PARD3B: variants seen among roughly 807,000 people sequenced by gnomAD.
The protein encoded by PARD3B is par-3 family cell polarity regulator beta.
Under a neutral mutation model 130.2 loss-of-function variants are expected in PARD3B, and 103 were observed. The observed-to-expected ratio is 0.79, with a 90% confidence interval of 0.67 to 0.93. The LOEUF is 0.93. PARD3B is among the 40% of genes least tolerant of loss of function. PARD3B has a pLI of 0.00. For synonymous variants in PARD3B, 583 were observed against 553.2 expected, an observed-to-expected ratio of 1.05 and a Z score of -0.76; for missense variants, 1,609 against 1,499.2, an observed-to-expected ratio of 1.07 and a Z score of -1.21.
intron 11 of PARD3B, among the ~76,000 whole-genome samples, chr2:205,171,841 C>T (rs912956778): frequency 9.9e-5 from 15 of 152,202 alleles, no homozygotes; most frequent in African/African-American, 3.4e-4. Flanking sequence ...GTGACTACCT[C>T]CTTTGGTTTC....
intron 22 of PARD3B, among the ~76,000 whole-genome samples, chr2:205,570,088 T>C (rs1300547265): frequency 6.6e-6 from 1 of 152,134 alleles, no homozygotes; most frequent in Non-Finnish European, 1.5e-5. Flanking sequence ...TGTCCTGAGA[T>C]TGTGTGTCAA....
At chr2:204,983,490 A>G (rs775011268) in intron 3 of PARD3B, among the ~76,000 whole-genome samples, 1 of 152,196 alleles carries the variant, frequency 6.6e-6, no homozygotes. Context: ...AATTTAATGT[A>G]TTTAGTTGAG....
rs5837982 is a variant in PARD3B at position 205,574,855 on chromosome 2, T to TAA, written c.3260+21469_3260+21470dup. On this transcript the variant is annotated intron_variant, in intron 22 of 22. Transcript: ENST00000406610. ...CTGCAATGGGGAAGTCACTGAGGAG[T>TAA]AAAAAAAAAAAAAAAAAAGAAAGAA... 7.7e-3 allele frequency among the ~76,000 whole-genome samples: 930 copies of TAA among 121,482 alleles called. 4 individuals are homozygous for TAA. Among genetic ancestry groups the TAA allele is most frequent in the African/African-American group, 0.013 (417 of 30,898 alleles). 79.7% of individuals were successfully genotyped at this position (121,482 alleles called of 152,430 possible).
At chr2:204,804,957 G>A (rs957632109) in intron 2 of PARD3B, among the ~76,000 whole-genome samples, 1 of 151,530 alleles carries the variant, frequency 6.6e-6, no homozygotes, top group Non-Finnish European at 1.5e-5. Flanking sequence ...AAAACTTATG[G>A]GACACAGAGA....
At chr2:205,252,008 G>A (rs1362436757) in intron 16 of PARD3B, among the ~76,000 whole-genome samples, 1 of 152,038 alleles carries the variant, frequency 6.6e-6, no homozygotes, top group Non-Finnish European at 1.5e-5. Flanking sequence ...TATGTCTAGC[G>A]TTCTTCCTAT....
intron 15 of PARD3B, among the ~76,000 whole-genome samples, chr2:205,197,033 GTGT>G (rs1360800693): frequency 1.3e-4 from 4 of 30,086 alleles, no homozygotes; most frequent in Non-Finnish European, 2.7e-4. Context: ...TGGGGGGGGG[GTGT>G]GTGTGTGTGT....
chr2:205,525,155 ACTGGAAAATACTAGGGCTTTTTT>A lies in PARD3B; in HGVS notation c.3180+25126_3180+25148del, dbSNP rs1483332096. On this transcript the variant is annotated intron_variant, in intron 21 of 22. Coordinates refer to ENST00000406610, the MANE Select transcript of PARD3B (RefSeq NM_001302769.2). The surrounding 1 kb of genome is among the most constrained non-coding windows in gnomAD (Gnocchi z 4.2). The stretch of plus-strand genomic sequence containing the variant: ...AAAGCAATGCCTAGCTCATGGTATG[ACTGGAAAATACTAGGGCTTTTTT>A]CCCCTCCTACATGGTTAACTCCTAA... Among the ~76,000 whole-genome samples, 2 of 152,184 alleles carry A rather than the reference ACTGGAAAATACTAGGGCTTTTTT, an allele frequency of 1.3e-5. No homozygotes were observed. The highest frequency in any genetic ancestry group is 2.9e-5 in the Non-Finnish European group (2 of 68,030).
chr2:205,360,253 G>A (rs977854329), intron 18 of PARD3B, among the ~76,000 whole-genome samples: 1 of 112,528 alleles, frequency 8.9e-6, no homozygotes, highest in African/African-American at 2.6e-5. Context: ...TGGATTTCTT[G>A]TTTTTTCTTT....
chr2:205,225,304 C>A (rs1012289268), intron 15 of PARD3B, among the ~76,000 whole-genome samples: 30 of 152,174 alleles, frequency 2.0e-4, no homozygotes, highest in African/African-American at 7.2e-4. Context: ...GCCATTTTAA[C>A]TGGGGTGAGA....
intron 2 of PARD3B, among the ~76,000 whole-genome samples, chr2:204,750,635 C>T (rs112034595): frequency 2.8e-5 from 4 of 145,148 alleles, no homozygotes; most frequent in African/African-American, 5.2e-5. Flanking sequence ...CATACATACA[C>T]ACACACATAC....
rs774914788 is a variant in PARD3B, at chr2:205,121,641, A to G, written c.857A>G (p.His286Arg). ...ATGAAATCTCCAAGTGTGCTCCTCC[A>G]CGTGCTTCCTCCACAAAACCGTGAA... ...QAMKSPSVLL[H>R]VLPPQNREQY... is the part of the protein sequence containing the mutation. Residue 286 changes from histidine to arginine, a missense_variant, in exon 8 of 23, where the codon CAC becomes CGC. His to Arg is a conservative substitution (Grantham distance 29). Transcript: ENST00000406610. This position sits in a 1 kb window ranked among gnomAD's most constrained non-coding sequence, Gnocchi z 5.0. 6.2e-7 allele frequency: 1 copy of G among 1,614,148 alleles called. No homozygotes were observed. Among genetic ancestry groups the G allele is most frequent in the Non-Finnish European group, 8.5e-7 (1 of 1,180,014 alleles).
At chr2:204,790,485 A>G (rs780435038) in intron 2 of PARD3B, among the ~76,000 whole-genome samples, 1 of 152,206 alleles carries the variant, frequency 6.6e-6, no homozygotes, top group Non-Finnish European at 1.5e-5. Context: ...TTCAGGGAAG[A>G]GATTAAGACG....
rs987921115 is a variant in PARD3B at position 205,558,708 on chromosome 2, C to T, written c.3260+5305C>T. Among the ~76,000 whole-genome samples the T allele has an allele frequency of 2.0e-5, 3 of 152,110 alleles. No individual in the cohort carries two copies. The highest frequency in any genetic ancestry group is 1.3e-4 in the Admixed American group (2 of 15,276). On this transcript the variant is annotated intron_variant, in intron 22 of 22. Transcript: ENST00000406610. The surrounding 1 kb of genome is among the most constrained non-coding windows in gnomAD (Gnocchi z 4.8). ...CCTCCATTCCTGCCAATTCAATGCCCGTCTCTATGATGATTCCAAAAGTAC... is the reference window on the plus strand; with the variant it reads ...CCTCCATTCCTGCCAATTCAATGCCTGTCTCTATGATGATTCCAAAAGTAC...
chr2:205,114,863 G>A (rs1417525366), intron 6 of PARD3B, among the ~76,000 whole-genome samples: 1 of 151,720 alleles, frequency 6.6e-6, no homozygotes, highest in East Asian at 1.9e-4. Context: ...CATTTCCTGT[G>A]TGTGTTAATA....
chr2:204,935,612 TAC>T (rs951317542), intron 2 of PARD3B, among the ~76,000 whole-genome samples: 10 of 151,326 alleles, frequency 6.6e-5, no homozygotes, highest in South Asian at 2.1e-4. Flanking sequence ...TATGTGTGTA[TAC>T]ACACACACAC....
intron 22 of PARD3B, among the ~76,000 whole-genome samples, chr2:205,581,436 A>AAT (rs1491211642): frequency 6.9e-6 from 1 of 144,354 alleles, no homozygotes; most frequent in African/African-American, 2.5e-5. Flanking sequence ...AATATATATA[A>AAT]ATATATATAA....
At chr2:205,194,940 C>A (rs568487506) in intron 15 of PARD3B, among the ~76,000 whole-genome samples, 1 of 144,308 alleles carries the variant, frequency 6.9e-6, no homozygotes, top group Non-Finnish European at 1.5e-5. Context: ...TCTGCCACCA[C>A]GCCAGGCTAA....
Position 204,906,490 on chromosome 2 carries a change from C to T in PARD3B, c.223-58662C>T, listed in dbSNP as rs2047047466. 6.6e-6 allele frequency among the ~76,000 whole-genome samples: 1 copy of T among 152,032 alleles called. No individual in the cohort carries two copies. Among genetic ancestry groups the T allele is most frequent in the South Asian group, 2.1e-4 (1 of 4,822 alleles). Reference sequence around the variant, plus strand: ...GCCAGTTATATATATGGGCAGTAGACCTTATTATTAACTAGAGAACACATG... The same window carrying T: ...GCCAGTTATATATATGGGCAGTAGATCTTATTATTAACTAGAGAACACATG... On this transcript the variant is annotated intron_variant, in intron 2 of 22. Coordinates refer to ENST00000406610, the MANE Select transcript of PARD3B (RefSeq NM_001302769.2). This position sits in a 1 kb window ranked among gnomAD's most constrained non-coding sequence, Gnocchi z 4.3.
At chr2:204,915,406 G>T (rs1348114343) in intron 2 of PARD3B, among the ~76,000 whole-genome samples, 1 of 151,814 alleles carries the variant, frequency 6.6e-6, no homozygotes, top group African/African-American at 2.4e-5. Context: ...TATTCCTTTG[G>T]TAATAATTCT....
Sources: allele counts gnomAD v4.1 joint callset (sites outside exome capture counted in the v4.1 genomes callset), GRCh38; gene constraint gnomAD v4.1.1; non-coding constraint Gnocchi (gnomAD v3.1); transcripts MANE v1.5; gene names NCBI Gene and HGNC (gene_info 2026-07-23, HGNC 2026-07-21).